Variants in PCDHA1 observed in about 807,000 individuals in gnomAD.
The protein encoded by PCDHA1 is protocadherin alpha 1, also known as protocadherin alpha-1.
Under a neutral mutation model 61.3 loss-of-function variants are expected in PCDHA1, and 42 were observed. The observed-to-expected ratio is 0.69, with a 90% CI of 0.54 to 0.89. The LOEUF (loss-of-function observed/expected upper bound fraction) is 0.89, where lower values mean the gene tolerates loss of function less well. Ranked by LOEUF, PCDHA1 falls within the 40% of genes least tolerant of loss-of-function variation. The pLI is 0.00. For missense variants in PCDHA1, 1,256 were observed against 1,235.3 expected (o/e 1.02, Z -0.25); for synonymous variants, 610 against 553.8 (o/e 1.10, Z -1.43).
intron 3 of PCDHA1, among the ~76,000 whole-genome samples, chr5:141,000,558 G>C (rs1462892656): frequency 6.7e-6 from 1 of 149,136 alleles, no homozygotes; most frequent in African/African-American, 2.5e-5. Context: ...CTCCCGAGTA[G>C]CTGGGATTAC....
In PCDHA1 at chr5:140,928,350, T is replaced by C. The variant is rs144619371; in HGVS notation, c.2395-50599T>C. The C allele has an allele frequency of 1.3e-5, 21 of 1,614,098 alleles. No homozygotes were observed. The African/African-American group carries it at 2.1e-4, about 16-fold the overall frequency. On this transcript the variant is annotated intron_variant, in intron 1 of 3. Coordinates refer to ENST00000504120, the MANE Select transcript of PCDHA1 (RefSeq NM_018900.4). ...GCCTTGTCTCTTATGAGCTGTTGGA[T>C]GTTATCTCTGAAGGGCCATCAGCCT...
chr5:140,824,626 T>G (rs2150135985), intron 1 of PCDHA1: 1 of 133,454 alleles, frequency 7.5e-6, no homozygotes, highest in South Asian at 2.3e-4. Context: ...TTTTTTTTTT[T>G]TTTTTTATTT....
At chr5:140,942,679 G>T (rs549826522) in intron 1 of PCDHA1, among the ~76,000 whole-genome samples, 8 of 151,904 alleles carry the variant, frequency 5.3e-5, no homozygotes, top group Non-Finnish European at 8.8e-5. Flanking sequence ...AAAGTTTTAG[G>T]AATAACTTTA....
chr5:140,884,176 T>G, intron 1 of PCDHA1: 1 of 1,613,372 alleles, frequency 6.2e-7, no homozygotes, highest in Non-Finnish European at 8.5e-7. Flanking sequence ...CGACGCGCCC[T>G]CTGGACGAGG....
intron 1 of PCDHA1, chr5:140,882,226 G>A (rs778262653): frequency 1.3e-6 from 2 of 1,564,150 alleles, no homozygotes; most frequent in Non-Finnish European, 1.7e-6. Context: ...GAGGTAAGGC[G>A]TTGTATATAT....
chr5:140,998,893 C>T (rs144409989), intron 3 of PCDHA1, among the ~76,000 whole-genome samples: 1 of 152,306 alleles, frequency 6.6e-6, no homozygotes, highest in African/African-American at 2.4e-5. Flanking sequence ...GAATAAATAA[C>T]AATGCCTCCG....
intron 1 of PCDHA1, chr5:140,842,120 T>A: frequency 6.2e-7 from 1 of 1,613,882 alleles, no homozygotes; most frequent in Non-Finnish European, 8.5e-7. Context: ...ACTGAATGCT[T>A]CTGATCCGGA....
intron 1 of PCDHA1, among the ~76,000 whole-genome samples, chr5:140,939,081 G>A (rs547616686): frequency 1.3e-5 from 2 of 152,222 alleles, no homozygotes; most frequent in African/African-American, 2.4e-5. Context: ...GCATAAACTG[G>A]GTGGCTTAAA....
At chr5:140,793,655 A>G (rs908207165) in intron 1 of PCDHA1, among the ~76,000 whole-genome samples, 1 of 151,850 alleles carries the variant, frequency 6.6e-6, no homozygotes, top group Admixed American at 6.6e-5. Flanking sequence ...ATGCTATCCC[A>G]CTCCTTGATT....
Position 140,870,243 on chromosome 5 carries a change from C to A in PCDHA1, c.2394+81559C>A, listed in dbSNP as rs782592982. 3.1e-6 allele frequency: 5 copies of A among 1,614,176 alleles called. No homozygotes were observed. The East Asian group carries it at 6.7e-5, about 22-fold the overall frequency. On this transcript the variant is annotated intron_variant, in intron 1 of 3. Transcript: ENST00000504120. Reference sequence around the variant, plus strand: ...GCGTGTCTGACCGTGACTCAGGTGTCAACGGACAGGTGACCTGCTCGCTGA... The same window carrying A: ...GCGTGTCTGACCGTGACTCAGGTGTAAACGGACAGGTGACCTGCTCGCTGA...
intron 1 of PCDHA1, chr5:140,858,052 T>C (rs1281058907): frequency 2.5e-6 from 4 of 1,597,036 alleles, no homozygotes; most frequent in African/African-American, 1.3e-5. Flanking sequence ...TTGTGTCGCT[T>C]GTGGAGGGCA....
intron 1 of PCDHA1, among the ~76,000 whole-genome samples, chr5:140,897,340 C>A (rs1326802877): frequency 8.1e-6 from 1 of 122,842 alleles, no homozygotes; most frequent in African/African-American, 3.1e-5. Context: ...CCCCTCCCCC[C>A]ACCCCACAAC....
At chr5:140,915,582 G>T (rs991142864) in intron 1 of PCDHA1, among the ~76,000 whole-genome samples, 1 of 151,936 alleles carries the variant, frequency 6.6e-6, no homozygotes, top group Non-Finnish European at 1.5e-5. Context: ...CCAGGCAAAA[G>T]CACTTGTTCT....
intron 1 of PCDHA1, among the ~76,000 whole-genome samples, chr5:140,826,672 G>T (rs1290845533): frequency 6.6e-6 from 1 of 152,028 alleles, no homozygotes; most frequent in African/African-American, 2.4e-5. Flanking sequence ...AATTGTAGAC[G>T]TAATTAAAAA....
chr5:140,850,349 G>A (rs2150480668), intron 1 of PCDHA1: 3 of 1,597,844 alleles, frequency 1.9e-6, no homozygotes, highest in Non-Finnish European at 1.7e-6. Flanking sequence ...CGGCCAGCGC[G>A]AGCATCCCGT....
intron 2 of PCDHA1, 123 bp from the exon 3 acceptor site, chr5:140,982,352 G>A (rs1554244046): frequency 4.0e-6 from 6 of 1,507,640 alleles, no homozygotes; most frequent in Non-Finnish European, 5.3e-6. Context: ...TTCAGTTCAA[G>A]CATGAGCAGA....
chr5:140,919,480 T>C (rs1745975489), intron 1 of PCDHA1, among the ~76,000 whole-genome samples: 1 of 152,198 alleles, frequency 6.6e-6, no homozygotes, highest in Admixed American at 6.5e-5. Context: ...TATTTGGATT[T>C]ATGTTTGTTA....
Position 140,786,584 on chromosome 5 carries a change from G to C in PCDHA1, c.294G>C (p.Trp98Cys). The change falls in exon 1 of 4, where the codon TGG becomes TGC. Residue 98 changes from tryptophan (W) to cysteine (C), a missense_variant. Coordinates refer to ENST00000504120, the MANE Select transcript of PCDHA1 (RefSeq NM_018900.4). ...TCGATCGCGAGGAGCTGTGCCAGTG[G>C]AGCGCGGAGTGCAGCATCCACCTGG... is the stretch of plus-strand genomic sequence containing the variant. The part of the protein sequence containing the change: ...SRIDREELCQ[W>C]SAECSIHLEL... 1 of 1,614,262 alleles carries C rather than the reference G, an allele frequency of 6.2e-7. No homozygotes were observed. The highest frequency in any genetic ancestry group is 8.5e-7 in the Non-Finnish European group (1 of 1,180,042).
Position 140,821,873 on chromosome 5 carries a change from C to T in PCDHA1, c.2394+33189C>T, listed in dbSNP as rs144627570. On this transcript the variant is annotated intron_variant, in intron 1 of 3. Coordinates refer to ENST00000504120, the MANE Select transcript of PCDHA1 (RefSeq NM_018900.4). ...GCAGGGAGCGGCCAGCTCCACTACT[C>T]GATCCCGGAGGAAGCCAAACACGGA... is the stretch of plus-strand genomic sequence containing the variant. 1.3e-5 allele frequency: 21 copies of T among 1,614,092 alleles called. No individual in the cohort carries two copies. Among genetic ancestry groups the T allele is most frequent in the African/African-American group, 6.7e-5 (5 of 74,940 alleles).
Sources: gnomAD v4.1 joint callset for allele counts (sites outside exome capture counted in the v4.1 genomes callset) on GRCh38, gnomAD v4.1.1 for gene constraint, MANE v1.5 for transcripts, NCBI Gene and HGNC (gene_info 2026-07-23, HGNC 2026-07-21) for gene names.